Variants in NR3C2 observed in about 807,000 individuals in gnomAD.
NR3C2 encodes the protein mineralocorticoid receptor.
NR3C2 carries 15 observed loss-of-function variants against 86.4 expected under a neutral mutation model. The observed-to-expected ratio is 0.17, with a 90% CI of 0.12 to 0.27. The LOEUF is 0.27. Among genes scored for constraint, NR3C2 ranks in the 10% least tolerant of loss-of-function variants. The pLI, the probability that NR3C2 is intolerant of heterozygous loss-of-function variation, is 1.00. For synonymous variants in NR3C2, 458 were observed against 450.5 expected (o/e 1.02, Z -0.21); for missense variants, 960 against 1,195.6 (o/e 0.80, Z 2.91).
chr4:148,311,747 A>T (rs112385785), intron 2 of NR3C2, among the ~76,000 whole-genome samples: 121 of 152,356 alleles, frequency 7.9e-4, no homozygotes, highest in African/African-American at 2.7e-3. Flanking sequence ...GGCCCTATTA[A>T]TCACCTCACT....
intron 3 of NR3C2, among the ~76,000 whole-genome samples, chr4:148,246,210 G>C (rs1739306779): frequency 1.3e-5 from 2 of 152,136 alleles, no homozygotes; most frequent in African/African-American, 4.8e-5. Flanking sequence ...CTGCATTTCA[G>C]GTACACACCT....
At chr4:148,101,140 T>C (rs1731517900) in intron 8 of NR3C2, among the ~76,000 whole-genome samples, 1 of 152,188 alleles carries the variant, frequency 6.6e-6, no homozygotes, top group African/African-American at 2.4e-5. Context: ...ACGGTTAACA[T>C]GGTACATTTT....
At chr4:148,365,864 G>A (rs181149334) in intron 2 of NR3C2, among the ~76,000 whole-genome samples, 95 of 152,130 alleles carry the variant, frequency 6.2e-4, no homozygotes, top group Middle Eastern at 3.4e-3. Context: ...ACAAACTCCC[G>A]GAAATTCCAG....
chr4:148,172,462 T>G (rs1451287011), intron 4 of NR3C2, among the ~76,000 whole-genome samples: 4 of 152,182 alleles, frequency 2.6e-5, no homozygotes, highest in Non-Finnish European at 5.9e-5. Flanking sequence ...GACTTACGTG[T>G]TTTTTGGAAA....
intron 4 of NR3C2, among the ~76,000 whole-genome samples, chr4:148,191,422 C>T (rs1047852497): frequency 6.6e-6 from 1 of 152,220 alleles, no homozygotes; most frequent in Non-Finnish European, 1.5e-5. Context: ...AGATTCTTTC[C>T]TTTGTCTTAA....
intron 3 of NR3C2, among the ~76,000 whole-genome samples, chr4:148,214,933 G>C (rs1040134277): frequency 6.6e-6 from 1 of 152,198 alleles, no homozygotes; most frequent in African/African-American, 2.4e-5. Context: ...ATCAGATTAA[G>C]AGCCTTGAAA....
intron 7 of NR3C2, among the ~76,000 whole-genome samples, chr4:148,117,636 G>C (rs1240392654): frequency 6.6e-6 from 1 of 152,166 alleles, no homozygotes; most frequent in African/African-American, 2.4e-5. Flanking sequence ...CAAATTGCAA[G>C]GTGCCAAACA....
chr4:148,271,256 C>T (rs991816860), intron 2 of NR3C2, among the ~76,000 whole-genome samples: 6 of 152,060 alleles, frequency 3.9e-5, no homozygotes, highest in Non-Finnish European at 7.4e-5. Context: ...TCACTGTTTC[C>T]ACTTTTCAAG....
At chr4:148,156,547 A>T (rs541730704) in intron 4 of NR3C2, among the ~76,000 whole-genome samples, 4,938 of 152,256 alleles carry the variant, frequency 0.032, 124 homozygotes, top group Admixed American at 0.048. Flanking sequence ...AAAAGACACA[A>T]GAAAAAATGC....
At chr4:148,344,189 G>A (rs1744883357) in intron 2 of NR3C2, among the ~76,000 whole-genome samples, 1 of 152,106 alleles carries the variant, frequency 6.6e-6, no homozygotes, top group African/African-American at 2.4e-5. Flanking sequence ...ATGGCCATTT[G>A]CAGGTTTATA....
At chr4:148,210,377 G>A (rs1014988047) in intron 3 of NR3C2, among the ~76,000 whole-genome samples, 6 of 151,962 alleles carry the variant, frequency 3.9e-5, no homozygotes, top group Non-Finnish European at 8.8e-5. Context: ...TTTTAGCAGA[G>A]ATGAGATTTC....
At chr4:148,123,801 C>G (rs562468782) in intron 6 of NR3C2, among the ~76,000 whole-genome samples, 7 of 152,236 alleles carry the variant, frequency 4.6e-5, no homozygotes, top group Non-Finnish European at 1.0e-4. Context: ...AATCTAGTTT[C>G]TCTCATACAC....
intron 2 of NR3C2, among the ~76,000 whole-genome samples, chr4:148,406,480 C>T (rs1355050686): frequency 6.6e-6 from 1 of 151,972 alleles, no homozygotes; most frequent in Non-Finnish European, 1.5e-5. Context: ...AAGATAATTA[C>T]CCCAGGCAGA....
At chr4:148,424,218 A>C (rs1046962428) in intron 2 of NR3C2, among the ~76,000 whole-genome samples, 1 of 152,216 alleles carries the variant, frequency 6.6e-6, no homozygotes, top group Non-Finnish European at 1.5e-5. Flanking sequence ...AGATATTAGG[A>C]AATGCCAATT....
chr4:148,143,872 G>A (rs368817939), intron 6 of NR3C2, among the ~76,000 whole-genome samples: 7 of 151,274 alleles, frequency 4.6e-5, no homozygotes, highest in East Asian at 2.0e-4. Context: ...CCTTGAACCC[G>A]GGAGGCGGAG....
intron 2 of NR3C2, among the ~76,000 whole-genome samples, chr4:148,339,354 C>T (rs1464852698): frequency 1.3e-5 from 2 of 152,072 alleles, no homozygotes; most frequent in Non-Finnish European, 2.9e-5. Flanking sequence ...CCACAACCTC[C>T]AGCAGGATGA....
intron 2 of NR3C2, among the ~76,000 whole-genome samples, chr4:148,348,485 G>A (rs190793335): frequency 2.0e-5 from 3 of 152,230 alleles, no homozygotes; most frequent in African/African-American, 4.8e-5. Context: ...CCAAATTCAC[G>A]AAATTTATTC....
At chr4:148,230,490 C>T (rs989856056) in intron 3 of NR3C2, among the ~76,000 whole-genome samples, 3 of 152,194 alleles carry the variant, frequency 2.0e-5, no homozygotes, top group East Asian at 1.9e-4. Flanking sequence ...AGCCACCACA[C>T]GTGGCAAGAA....
At chr4:148,198,279 C>T (rs1219716816) in intron 3 of NR3C2, among the ~76,000 whole-genome samples, 2 of 152,040 alleles carry the variant, frequency 1.3e-5, no homozygotes, top group African/African-American at 2.4e-5. Context: ...AAAAGTTAAT[C>T]TCATTATTTT....
Sources: allele counts gnomAD v4.1 joint callset (sites outside exome capture counted in the v4.1 genomes callset), GRCh38; gene constraint gnomAD v4.1.1; transcripts MANE v1.5; gene names NCBI Gene and HGNC (gene_info 2026-07-23, HGNC 2026-07-21).